The following ARHGAP26 variants were observed in gnomAD, a reference collection of about 807,000 sequenced individuals.
ARHGAP26 encodes Rho GTPase activating protein 26, also known as rho GTPase-activating protein 26.
In ARHGAP26, 38 loss-of-function variants were observed where a neutral mutation model predicts 104.8. The observed-to-expected ratio is 0.36, with a 90% CI of 0.28 to 0.48. The LOEUF (loss-of-function observed/expected upper bound fraction) is 0.48. Among genes scored for constraint, ARHGAP26 ranks in the 20% least tolerant of loss-of-function variants. The pLI, the probability that ARHGAP26 is intolerant of heterozygous loss-of-function variation, is 0.99. For missense variants in ARHGAP26, 704 were observed against 947.9 expected (o/e 0.74, Z 3.38); for synonymous variants, 341 against 340.0 (o/e 1.00, Z -0.03).
chr5:142,914,386 T>A (rs1762219338), intron 10 of ARHGAP26, among the ~76,000 whole-genome samples: 1 of 152,258 alleles, frequency 6.6e-6, no homozygotes, highest in South Asian at 2.1e-4. Context: ...TGGGTTCAAA[T>A]TTTGACTTTG....
intron 11 of ARHGAP26, among the ~76,000 whole-genome samples, chr5:142,967,506 G>T (rs1175527302): frequency 6.6e-6 from 1 of 152,230 alleles, no homozygotes; most frequent in East Asian, 1.9e-4. Context: ...AAGAGGCCGG[G>T]TGCGGTGGCT....
intron 1 of ARHGAP26, among the ~76,000 whole-genome samples, chr5:142,816,801 T>C (rs954105699): frequency 6.6e-6 from 1 of 152,078 alleles, no homozygotes; most frequent in Non-Finnish European, 1.5e-5. Context: ...AGGGGGAAGG[T>C]GTGATCAGTC....
At chr5:143,171,773 T>G (rs565597945) in intron 20 of ARHGAP26, among the ~76,000 whole-genome samples, 1 of 152,324 alleles carries the variant, frequency 6.6e-6, no homozygotes, top group Admixed American at 6.5e-5. Context: ...TCACTACGCT[T>G]TCTTCCAAAT....
At chr5:142,818,217 TA>T (rs35009928) in intron 1 of ARHGAP26, among the ~76,000 whole-genome samples, 7,519 of 140,444 alleles carry the variant, frequency 0.054, 212 homozygotes, top group East Asian at 0.11. Context: ...CCAATTATTG[TA>T]AAAAAAAAAA....
intron 19 of ARHGAP26, among the ~76,000 whole-genome samples, chr5:143,146,608 A>G (rs1451738107): frequency 6.6e-6 from 1 of 152,244 alleles, no homozygotes; most frequent in East Asian, 1.9e-4. Flanking sequence ...TCTGCAGCCC[A>G]TTACAGAGCG....
intron 11 of ARHGAP26, among the ~76,000 whole-genome samples, chr5:142,955,747 G>C (rs1598383115): frequency 6.6e-6 from 1 of 152,186 alleles, no homozygotes; most frequent in East Asian, 1.9e-4. Flanking sequence ...CCTTTAATAG[G>C]GAAAATGGAA....
intron 17 of ARHGAP26, among the ~76,000 whole-genome samples, chr5:143,075,914 G>A (rs929892310): frequency 4.6e-5 from 7 of 152,008 alleles, no homozygotes; most frequent in African/African-American, 1.4e-4. Flanking sequence ...GCCCAGGCTA[G>A]TTTTGAACTC....
At chr5:142,840,822 A>G (rs1040487561) in intron 1 of ARHGAP26, among the ~76,000 whole-genome samples, 1 of 152,198 alleles carries the variant, frequency 6.6e-6, no homozygotes, top group Non-Finnish European at 1.5e-5. Flanking sequence ...CAACCCTTCC[A>G]TATCTACTCT....
At chr5:142,875,388 C>A (rs1186185622) in intron 3 of ARHGAP26, among the ~76,000 whole-genome samples, 3 of 152,178 alleles carry the variant, frequency 2.0e-5, no homozygotes, top group Non-Finnish European at 4.4e-5. Flanking sequence ...AAATGATGTC[C>A]TTCTGAAGAT....
chr5:143,202,101 T>A (rs1807833827), intron 20 of ARHGAP26: 2 of 152,246 alleles, frequency 1.3e-5, no homozygotes, highest in South Asian at 4.1e-4. Context: ...GGTGCTCCTG[T>A]ATTAGGTACA....
chr5:143,149,539 G>A (rs1799562721), intron 20 of ARHGAP26, among the ~76,000 whole-genome samples: 2 of 152,190 alleles, frequency 1.3e-5, no homozygotes, highest in East Asian at 1.9e-4. Flanking sequence ...ATTTGCTGGT[G>A]TGGATCATGC....
chr5:143,101,490 A>G (rs1793221974), intron 17 of ARHGAP26, among the ~76,000 whole-genome samples: 1 of 151,920 alleles, frequency 6.6e-6, no homozygotes, highest in African/African-American at 2.4e-5. Flanking sequence ...TTGTTTTCTT[A>G]GCTCTTTGGG....
At chr5:142,844,546 A>G (rs1309433928) in intron 1 of ARHGAP26, among the ~76,000 whole-genome samples, 1 of 152,082 alleles carries the variant, frequency 6.6e-6, no homozygotes, top group Non-Finnish European at 1.5e-5. Context: ...AGGACCTTCT[A>G]GAGCTCTTTG....
chr5:143,003,544 A>G (rs3776369), intron 11 of ARHGAP26, among the ~76,000 whole-genome samples: 97,491 of 152,056 alleles, frequency 0.64, 33,534 homozygotes, highest in Non-Finnish European at 0.78. Flanking sequence ...ATGTAAAATT[A>G]ACCTTGATTG....
At chr5:143,140,487 A>C (rs796284683) in intron 19 of ARHGAP26, among the ~76,000 whole-genome samples, 9 of 152,346 alleles carry the variant, frequency 5.9e-5, no homozygotes, top group African/African-American at 2.2e-4. Flanking sequence ...GCCAGTATAT[A>C]TAAAGTACTT....
chr5:143,222,607 C>A lies in ARHGAP26; in HGVS notation c.*161C>A. 1 of 492,110 alleles carries A rather than the reference C, an allele frequency of 2.0e-6. No individual in the cohort carries two copies. The highest frequency in any genetic ancestry group is 3.6e-6 in the Non-Finnish European group (1 of 281,424). The allele number at this position is 492,110 out of a possible 1,614,324, so 30.5% of individuals were successfully genotyped here. A position where few individuals can be genotyped will look rare whatever the true frequency, so the allele number is the denominator to read the frequency against. On this transcript the variant is annotated 3_prime_UTR_variant, in exon 23 of 23. Transcript: ENST00000645722. ...TTCTGTGAGCTCTGGTGTCACTCATCTCCATGATCATCTCAGCCAACATGC... is the reference window on the plus strand; with the variant it reads ...TTCTGTGAGCTCTGGTGTCACTCATATCCATGATCATCTCAGCCAACATGC...
chr5:142,963,189 T>TGTATATATATATACATAC (rs1770650779), intron 11 of ARHGAP26, among the ~76,000 whole-genome samples: 2 of 111,118 alleles, frequency 1.8e-5, no homozygotes, highest in Admixed American at 8.4e-5. Flanking sequence ...TATATATATA[T>TGTATATATATATACATAC]ATATATATAT....
At chr5:142,931,895 A>G (rs760784892) in intron 10 of ARHGAP26, 152 bp from the exon 11 acceptor site, 1 of 677,244 alleles carries the variant, frequency 1.5e-6, no homozygotes, top group Non-Finnish European at 2.6e-6. Flanking sequence ...TGAGAGTAGA[A>G]GGTGGCTTAG....
At chr5:142,885,081 C>G (rs1213298182) in intron 4 of ARHGAP26, among the ~76,000 whole-genome samples, 2 of 152,188 alleles carry the variant, frequency 1.3e-5, no homozygotes, top group Non-Finnish European at 1.5e-5. Context: ...TTCGTATTTA[C>G]CTCATTTCTG....
Sources: gnomAD v4.1 joint callset for allele counts (sites outside exome capture counted in the v4.1 genomes callset) on GRCh38, gnomAD v4.1.1 for gene constraint, MANE v1.5 for transcripts, NCBI Gene and HGNC (gene_info 2026-07-23, HGNC 2026-07-21) for gene names.